Variants in TRIM51 observed in about 807,000 individuals in gnomAD.
The protein encoded by TRIM51 is tripartite motif-containing protein 51.
A neutral mutation model predicts 32.7 loss-of-function variants in TRIM51; 23 were observed. That is an observed-to-expected ratio of 0.70 (90% CI 0.51 to 1.00). The LOEUF is 1.00. TRIM51 is among the 50% of genes least tolerant of loss of function. The pLI, the probability that TRIM51 is intolerant of heterozygous loss-of-function variation, is 0.00. For missense variants in TRIM51, 592 were observed against 539.2 expected (o/e 1.10, Z -0.97); for synonymous variants, 177 against 181.9 (o/e 0.97, Z 0.22).
chr11:55,884,591 C>T (rs1454122097), intron 1 of TRIM51, among the ~76,000 whole-genome samples: 1 of 152,092 alleles, frequency 6.6e-6, no homozygotes, highest in Non-Finnish European at 1.5e-5. Context: ...TCCACCCACA[C>T]TGAGGGCTGC....
intron 3 of TRIM51, among the ~76,000 whole-genome samples, chr11:55,886,569 C>G (rs1854581549): frequency 6.6e-6 from 1 of 152,036 alleles, no homozygotes; most frequent in Admixed American, 6.6e-5. Context: ...TTCAGGTGAC[C>G]CTTCTAAGGC....
At chr11:55,886,098 G>A (rs556498903) in intron 2 of TRIM51, 25 bp from the exon 3 acceptor site, 73 of 1,600,788 alleles carry the variant, frequency 4.6e-5, no homozygotes, top group Admixed American at 1.8e-4. Flanking sequence ...CCTCACTTGT[G>A]CTTCAATTCG....
chr11:55,886,280 A>C, intron 3 of TRIM51, 62 bp downstream of exon 3: 1 of 1,304,282 alleles, frequency 7.7e-7, no homozygotes, highest in Non-Finnish European at 1.1e-6. Context: ...GTGACTCTTA[A>C]AATAGGAACT....
At chr11:55,889,057 G>C in intron 5 of TRIM51, 56 bp downstream of exon 5, 1 of 1,485,056 alleles carries the variant, frequency 6.7e-7, no homozygotes, top group East Asian at 2.3e-5. Flanking sequence ...ATATCAAGCA[G>C]GAACTTTGAT....
chr11:55,888,683 T>G (rs1227272073), intron 4 of TRIM51, among the ~76,000 whole-genome samples: 1 of 152,100 alleles, frequency 6.6e-6, no homozygotes, highest in East Asian at 1.9e-4. Context: ...TAACAGGGCT[T>G]AGGGAAGAAG....
chr11:55,888,163 T>G lies in TRIM51; in HGVS notation c.639T>G (p.Asn213Lys). The G allele has an allele frequency of 6.2e-7, 1 of 1,613,698 alleles. No homozygotes were observed. The highest frequency in any genetic ancestry group is 1.1e-5 in the South Asian group (1 of 91,066). The change falls in exon 4 of 7, where the codon AAT (asparagine) becomes AAG (lysine). Residue 213 changes from asparagine (N) to lysine (K), a missense_variant. Transcript: ENST00000449290. ...KEGEDIFQQL[N>K]ESKARMEHSR... is the part of the protein sequence containing the mutation. Reference sequence around the variant, plus strand: ...GCGAGGACATTTTTCAGCAACTCAATGAAAGCAAAGCCAGAATGGAACATT... The same window carrying G: ...GCGAGGACATTTTTCAGCAACTCAAGGAAAGCAAAGCCAGAATGGAACATT...
intron 2 of TRIM51, 53 bp from the exon 3 acceptor site, chr11:55,886,070 T>A: frequency 6.4e-7 from 1 of 1,556,006 alleles, no homozygotes; most frequent in Non-Finnish European, 8.8e-7. Context: ...TATCAGAGTG[T>A]GAATGATACT....
At chr11:55,884,976 T>C (rs2134532988) in intron 1 of TRIM51, among the ~76,000 whole-genome samples, 1 of 152,124 alleles carries the variant, frequency 6.6e-6, no homozygotes, top group Admixed American at 6.6e-5. Flanking sequence ...GGCTTCTCGG[T>C]CCCTCTCTCT....
In TRIM51 at chr11:55,887,054, T is replaced by G. The variant is rs544189841; in HGVS notation, c.507+836T>G. On this transcript the variant is annotated intron_variant, in intron 3 of 6. Transcript: ENST00000449290. Reference sequence around the variant, plus strand: ...AGCAAATGGTCACCATGCAGATATGTGAAGTACATGATGTGTTAGAGTGTA... The same window carrying G: ...AGCAAATGGTCACCATGCAGATATGGGAAGTACATGATGTGTTAGAGTGTA... 8.5e-5 allele frequency among the ~76,000 whole-genome samples: 13 copies of G among 152,072 alleles called. 1 individual carries two copies. In the East Asian group the frequency reaches 2.5e-3, roughly 30 times the overall value.
rs1359766619 is a variant in TRIM51, at chr11:55,891,437, C to T, written c.1164C>T (p.His388=). The part of the protein sequence containing the change: ...FLLGCVKEDT[H]CSLFTTSPLV... ...TTGGATGTGTTAAGGAGGACACTCA[C>T]TGCAGTCTCTTTACCACCTCCCCAC... is the stretch of plus-strand genomic sequence containing the variant. Residue 388 remains histidine (H), a synonymous_variant, in exon 7 of 7, where the codon CAC becomes CAT. Coordinates refer to ENST00000449290, the MANE Select transcript of TRIM51 (RefSeq NM_032681.4). 1.9e-5 allele frequency: 30 copies of T among 1,612,802 alleles called. No homozygotes were observed. Among genetic ancestry groups the T allele is most frequent in the African/African-American group, 2.7e-5 (2 of 74,888 alleles).
chr11:55,888,118 G>T lies in TRIM51; in HGVS notation c.594G>T (p.Leu198Phe), dbSNP rs899152780. Residue 198 changes from leucine (L) to phenylalanine (F), a missense_variant, in exon 4 of 7, where the codon TTG (leucine) becomes TTT (phenylalanine). Leu to Phe is a conservative substitution (Grantham distance 22). Transcript: ENST00000449290. Reference protein sequence around the residue: ...AFLHEEEQHHLERLRKEGEDI... With the variant: ...AFLHEEEQHHFERLRKEGEDI... Reference sequence around the variant, plus strand: ...TCCATGAAGAAGAGCAACATCACTTGGAAAGGCTGCGAAAGGAGGGCGAGG... The same window carrying T: ...TCCATGAAGAAGAGCAACATCACTTTGAAAGGCTGCGAAAGGAGGGCGAGG... 1.2e-6 allele frequency: 2 copies of T among 1,613,678 alleles called. No individual in the cohort carries two copies. The highest frequency in any genetic ancestry group is 1.7e-6 in the Non-Finnish European group (2 of 1,179,680).
At position 55,891,380 on chromosome 11, in the gene TRIM51, C is replaced by G. The variant is rs774584800; in HGVS notation, c.1107C>G (p.Asp369Glu). 6.2e-7 allele frequency: 1 copy of G among 1,612,156 alleles called. No individual in the cohort carries two copies. The highest frequency in any genetic ancestry group is 8.5e-7 in the Non-Finnish European group (1 of 1,179,738). Residue 369 changes from aspartate (D) to glutamate (E), a missense_variant, in exon 7 of 7, where the codon GAC (aspartate) becomes GAG (glutamate). Asp to Glu is a conservative substitution (Grantham distance 45). Transcript: ENST00000449290. ...NNYWKEKRQN[D>E]KIDGEEGLFL... ...ATTGGAAAGAGAAGAGACAGAATGA[C>G]AAGATAGATGGAGAGGAGGGACTCT...
rs762127925 is a variant in TRIM51 at position 55,888,992 on chromosome 11, T to C, written c.752T>C (p.Ile251Thr). 8 of 1,611,390 alleles carry C rather than the reference T, an allele frequency of 5.0e-6. No individual in the cohort carries two copies. The highest frequency in any genetic ancestry group is 5.9e-6 in the Non-Finnish European group (7 of 1,178,700). ...TTTTTTTTACAGGCTTTTGGAGACA[T>C]ATTACACAGGTGAGTGCACACCAAG... ...DVELLQAFGD[I>T]LHRYESLLLQ... is the part of the protein sequence containing the mutation. The change falls in exon 5 of 7, where the codon ATA becomes ACA. Residue 251 changes from isoleucine (I) to threonine (T), a missense_variant. By Grantham distance (89) the Ile-to-Thr change is moderately conservative. Coordinates refer to ENST00000449290, the MANE Select transcript of TRIM51 (RefSeq NM_032681.4).
intron 3 of TRIM51, among the ~76,000 whole-genome samples, 171 bp downstream of exon 3, chr11:55,886,389 G>T (rs1397748605): frequency 6.6e-6 from 1 of 152,124 alleles, no homozygotes; most frequent in Non-Finnish European, 1.5e-5. Flanking sequence ...GTGACTCTTT[G>T]GTAGGATATC....
Position 55,891,149 on chromosome 11 carries a change from G to T in TRIM51, c.876G>T (p.Gln292His). The T allele has an allele frequency of 6.3e-7, 1 of 1,599,988 alleles. No individual in the cohort carries two copies. The highest frequency in any genetic ancestry group is 1.1e-5 in the South Asian group (1 of 90,968). ...LSGFRVDFTLQPERANSHIFL... is the reference protein window; with the variant it reads ...LSGFRVDFTLHPERANSHIFL... Reference sequence around the variant, plus strand: ...TTTTTGCAGTTGATTTTACTCTGCAGCCTGAAAGAGCCAATAGTCATATCT... The same window carrying T: ...TTTTTGCAGTTGATTTTACTCTGCATCCTGAAAGAGCCAATAGTCATATCT... The change falls in exon 7 of 7, where the codon CAG (glutamine) becomes CAT (histidine). Residue 292 changes from glutamine to histidine, a missense_variant. Physicochemically the swap from Gln to His is conservative, Grantham distance 24. Transcript: ENST00000449290.
At chr11:55,890,103 AG>A (rs1488678806) in intron 6 of TRIM51, 64 bp downstream of exon 6, 1 of 1,139,568 alleles carries the variant, frequency 8.8e-7, no homozygotes, top group Non-Finnish European at 1.3e-6. Flanking sequence ...TCATGGGGGT[AG>A]TATTTTACCC....
At position 55,885,488 on chromosome 11, in the gene TRIM51, C is replaced by A. The variant is rs754577519; in HGVS notation, c.60C>A (p.Asn20Lys). The A allele has an allele frequency of 6.2e-7, 1 of 1,611,982 alleles. No individual in the cohort carries two copies. The highest frequency in any genetic ancestry group is 2.2e-5 in the East Asian group (1 of 44,858). ...CACTCACCTGTCCCATCTGCATGAA[C>A]TACTTCCTAGACCCAGTCACCATAG... ...QRALTCPICMNYFLDPVTIDC... is the reference protein window; with the variant it reads ...QRALTCPICMKYFLDPVTIDC... Residue 20 changes from asparagine to lysine, a missense_variant, in exon 2 of 7, where the codon AAC becomes AAA. Physicochemically the swap from Asn to Lys is moderately conservative, Grantham distance 94. Coordinates refer to ENST00000449290, the MANE Select transcript of TRIM51 (RefSeq NM_032681.4).
At chr11:55,887,983 C>A (rs1854598458) in intron 3 of TRIM51, 49 bp from the exon 4 acceptor site, 5 of 1,361,394 alleles carry the variant, frequency 3.7e-6, no homozygotes, top group Non-Finnish European at 5.2e-6. Flanking sequence ...CAGTGAAATT[C>A]AAGAGAAGAT....
chr11:55,891,586 C>A lies in TRIM51; in HGVS notation c.1313C>A (p.Ser438Tyr). The change falls in exon 7 of 7, where the codon TCC becomes TAC. Residue 438 changes from serine to tyrosine, a missense_variant. Transcript: ENST00000449290. ...CTGATATACACCATCCCCAATTGCT[C>A]CTTCTCACCTCCTCTCAGGCCTATC... Reference protein sequence around the residue: ...SSLIYTIPNCSFSPPLRPIFC... With the variant: ...SSLIYTIPNCYFSPPLRPIFC... The A allele has an allele frequency of 6.2e-7, 1 of 1,612,324 alleles. No homozygotes were observed. Among genetic ancestry groups the A allele is most frequent in the Non-Finnish European group, 8.5e-7 (1 of 1,178,674 alleles).
Sources: gnomAD v4.1 joint callset for allele counts (sites outside exome capture counted in the v4.1 genomes callset) on GRCh38, gnomAD v4.1.1 for gene constraint, MANE v1.5 for transcripts, NCBI Gene and HGNC (gene_info 2026-07-23, HGNC 2026-07-21) for gene names.